The following HIPK3 variants were observed in gnomAD, a reference collection of about 807,000 sequenced individuals.
HIPK3 encodes the protein homeodomain interacting protein kinase 3.
A neutral mutation model predicts 124.2 loss-of-function variants in HIPK3; 47 were observed. The observed-to-expected ratio is 0.38, with a 90% CI of 0.30 to 0.48. The LOEUF is 0.48. HIPK3 is among the 20% of genes least tolerant of loss of function. The probability of loss-of-function intolerance (pLI) is 0.98; values close to 1 mark genes in which losing one functional copy is unlikely to be tolerated. For synonymous variants in HIPK3, 482 were observed against 515.2 expected, an observed-to-expected ratio of 0.94 and a Z score of 0.87; for missense variants, 1,286 against 1,454.3, an observed-to-expected ratio of 0.88 and a Z score of 1.88.
intron 2 of HIPK3, among the ~76,000 whole-genome samples, chr11:33,307,097 C>G (rs1445781391): frequency 2.0e-5 from 3 of 152,088 alleles, no homozygotes; most frequent in Non-Finnish European, 2.9e-5. Flanking sequence ...CGCCACCATG[C>G]CTGGCTAATT....
At chr11:33,305,393 C>T (rs907533958) in intron 2 of HIPK3, among the ~76,000 whole-genome samples, 4 of 152,064 alleles carry the variant, frequency 2.6e-5, no homozygotes, top group African/African-American at 9.7e-5. Flanking sequence ...GGTAGATGCT[C>T]TTATATGAGG....
chr11:33,308,414 A>G (rs546322785), intron 2 of HIPK3, among the ~76,000 whole-genome samples: 1 of 152,144 alleles, frequency 6.6e-6, no homozygotes, highest in African/African-American at 2.4e-5. Context: ...ATTTCAACGT[A>G]TATTTTCTCC....
At chr11:33,339,224 T>A (rs917218502) in intron 5 of HIPK3, 126 bp from the exon 6 acceptor site, 6 of 637,410 alleles carry the variant, frequency 9.4e-6, no homozygotes, top group Admixed American at 8.0e-5. Context: ...CTTCTTTGTT[T>A]TAAGATAATT....
At chr11:33,295,029 C>G (rs1008326575) in intron 2 of HIPK3, among the ~76,000 whole-genome samples, 2 of 152,040 alleles carry the variant, frequency 1.3e-5, no homozygotes. Flanking sequence ...CAAAGTCGCC[C>G]CTTCCCCCCC....
intron 2 of HIPK3, among the ~76,000 whole-genome samples, chr11:33,287,924 TTATATA>T (rs1225079418): frequency 2.6e-5 from 4 of 152,134 alleles, no homozygotes; most frequent in Non-Finnish European, 4.4e-5. Context: ...TTTAGAAAAA[TTATATA>T]CAGGTTTGAG....
chr11:33,348,263 T>C, intron 12 of HIPK3, 35 bp downstream of exon 12: 1 of 1,573,882 alleles, frequency 6.4e-7, no homozygotes, highest in Non-Finnish European at 8.7e-7. Context: ...TGATTTATTA[T>C]CTACCTGTAA....
intron 2 of HIPK3, among the ~76,000 whole-genome samples, chr11:33,301,267 T>C (rs1360667679): frequency 6.6e-6 from 1 of 152,196 alleles, no homozygotes; most frequent in Admixed American, 6.5e-5. Flanking sequence ...GCAGCTCTTT[T>C]ATTCTTTAGC....
rs1261170328 is a variant in HIPK3, at chr11:33,287,352, T to G, written c.938T>G (p.Leu313Trp). 2.5e-6 allele frequency: 4 copies of G among 1,614,178 alleles called. No individual in the cohort carries two copies. The highest frequency in any genetic ancestry group is 3.4e-6 in the Non-Finnish European group (4 of 1,180,018). The change falls in exon 2 of 17, where the codon TTG (leucine) becomes TGG (tryptophan). Residue 313 changes from leucine (L) to tryptophan (W), a missense_variant. Physicochemically the swap from Leu to Trp is moderately conservative, Grantham distance 61 (BLOSUM62 -2). This residue lies in a region of HIPK3 where 251 missense variants were observed against 349.1 expected (regional missense o/e 0.72). Transcript: ENST00000303296. ...LQQVATALKK[L>W]KSLGLIHADL... is the part of the protein sequence containing the mutation. The stretch of plus-strand genomic sequence containing the variant: ...CAAGTGGCCACTGCACTGAAAAAAT[T>G]GAAAAGTCTTGGTTTAATTCATGCT...
intron 1 of HIPK3, among the ~76,000 whole-genome samples, chr11:33,282,252 G>A (rs1851430355): frequency 6.6e-6 from 1 of 152,064 alleles, no homozygotes; most frequent in African/African-American, 2.4e-5. Flanking sequence ...GGGCATGGTG[G>A]CACATATCTG....
At chr11:33,301,622 A>T (rs1200042305) in intron 2 of HIPK3, among the ~76,000 whole-genome samples, 1 of 150,956 alleles carries the variant, frequency 6.6e-6, no homozygotes, top group African/African-American at 2.4e-5. Context: ...ATCTCTATAA[A>T]AAAAAAAAAA....
At chr11:33,317,160 G>A (rs545171036) in intron 2 of HIPK3, among the ~76,000 whole-genome samples, 1 of 151,958 alleles carries the variant, frequency 6.6e-6, no homozygotes, top group East Asian at 1.9e-4. Flanking sequence ...TAGTAGAGAT[G>A]GGGTTTTGCC....
At chr11:33,332,705 A>G (rs1050502442) in intron 3 of HIPK3, among the ~76,000 whole-genome samples, 2 of 152,230 alleles carry the variant, frequency 1.3e-5, no homozygotes, top group Admixed American at 1.3e-4. Context: ...TATTTTTGTC[A>G]GGCTATTTAG....
chr11:33,329,354 A>G (rs1852905148), intron 3 of HIPK3, among the ~76,000 whole-genome samples: 1 of 152,202 alleles, frequency 6.6e-6, no homozygotes, highest in South Asian at 2.1e-4. Context: ...AAATCAACAA[A>G]GTAGTTACAT....
intron 2 of HIPK3, among the ~76,000 whole-genome samples, chr11:33,318,423 T>TG (rs1221073091): frequency 6.6e-6 from 1 of 152,140 alleles, no homozygotes; most frequent in Non-Finnish European, 1.5e-5. Flanking sequence ...TAAGGTGTAG[T>TG]GGTTAAAAGC....
intron 14 of HIPK3, among the ~76,000 whole-genome samples, chr11:33,350,716 A>C (rs1328736582): frequency 6.6e-6 from 1 of 152,026 alleles, no homozygotes; most frequent in Non-Finnish European, 1.5e-5. Context: ...AGAAAGAAAT[A>C]AAGTCTTATT....
chr11:33,275,765 A>G (rs1194020126), intron 1 of HIPK3, among the ~76,000 whole-genome samples: 2 of 152,252 alleles, frequency 1.3e-5, no homozygotes, highest in Non-Finnish European at 2.9e-5. Flanking sequence ...AAGAAGTTAT[A>G]TAATGACCAA....
At chr11:33,301,697 T>A (rs1036631406) in intron 2 of HIPK3, among the ~76,000 whole-genome samples, 2 of 151,222 alleles carry the variant, frequency 1.3e-5, no homozygotes, top group African/African-American at 4.9e-5. Flanking sequence ...GGTGTGAGGA[T>A]CTACCTGTCA....
intron 8 of HIPK3, among the ~76,000 whole-genome samples, chr11:33,343,273 G>A (rs1853392323): frequency 6.9e-6 from 1 of 145,512 alleles, no homozygotes; most frequent in Non-Finnish European, 1.5e-5. Flanking sequence ...GTGTGTGTGT[G>A]TGTGTGTGTG....
intron 3 of HIPK3, among the ~76,000 whole-genome samples, chr11:33,332,718 A>C (rs1853023501): frequency 6.6e-6 from 1 of 152,224 alleles, no homozygotes; most frequent in African/African-American, 2.4e-5. Flanking sequence ...CTATTTAGCA[A>C]AGAGACCCAC....
Sources: gnomAD v4.1 joint callset for allele counts (sites outside exome capture counted in the v4.1 genomes callset) on GRCh38, gnomAD v4.1.1 for gene constraint, gnomAD v4.1.1 regional missense constraint, MANE v1.5 for transcripts, NCBI Gene and HGNC (gene_info 2026-07-23, HGNC 2026-07-21) for gene names.